The following SPATS2L variants were observed in gnomAD, a reference collection of about 807,000 sequenced individuals.
SPATS2L encodes the protein SPATS2-like protein.
In SPATS2L, 30 loss-of-function variants were observed where a neutral mutation model predicts 59.6. That is an observed-to-expected ratio of 0.50 (90% CI 0.38 to 0.68). The LOEUF (loss-of-function observed/expected upper bound fraction) is 0.68, where lower values mean the gene tolerates loss of function less well. Ranked by LOEUF, SPATS2L falls within the 30% of genes least tolerant of loss-of-function variation. SPATS2L has a pLI of 0.00. For synonymous variants in SPATS2L, 252 were observed against 263.5 expected, an observed-to-expected ratio of 0.96 and a Z score of 0.42; for missense variants, 615 against 700.0, an observed-to-expected ratio of 0.88 and a Z score of 1.37.
intron 6 of SPATS2L, among the ~76,000 whole-genome samples, chr2:200,426,415 A>G (rs2083586159): frequency 6.6e-6 from 1 of 152,224 alleles, no homozygotes; most frequent in African/African-American, 2.4e-5. Flanking sequence ...AAGTACTATC[A>G]TATGAGCATG....
At chr2:200,364,708 CTT>C (rs1225669695) in intron 2 of SPATS2L, among the ~76,000 whole-genome samples, 3 of 152,194 alleles carry the variant, frequency 2.0e-5, no homozygotes, top group African/African-American at 7.2e-5. Flanking sequence ...CCTGTATTTT[CTT>C]TCTCCTTTCT....
rs550111692 is a variant in SPATS2L, at chr2:200,311,263, C to T, written c.-73+4341C>T. Among the ~76,000 whole-genome samples the T allele has an allele frequency of 4.6e-5, 7 of 152,256 alleles. No individual in the cohort carries two copies. In the East Asian group the frequency reaches 5.8e-4, roughly 13 times the overall value. On this transcript the variant is annotated intron_variant, in intron 1 of 12. Coordinates refer to ENST00000409140, the MANE Select transcript of SPATS2L (RefSeq NM_001100423.2). Reference sequence around the variant, plus strand: ...AAAAGGGACAGGCATTTGAAGGAGGCGTCTGTCAAGATTTTTTTTTCCCAT... The same window carrying T: ...AAAAGGGACAGGCATTTGAAGGAGGTGTCTGTCAAGATTTTTTTTTCCCAT...
chr2:200,312,157 A>T (rs529190349), intron 1 of SPATS2L, among the ~76,000 whole-genome samples: 1 of 152,308 alleles, frequency 6.6e-6, no homozygotes, highest in East Asian at 1.9e-4. Flanking sequence ...TAAATCTTGG[A>T]AGCAGTATAA....
intron 6 of SPATS2L, among the ~76,000 whole-genome samples, chr2:200,425,127 CG>C (rs374223087): frequency 0.071 from 847 of 11,946 alleles, 10 homozygotes; most frequent in African/African-American, 0.079. Context: ...TAGTTCCCCC[CG>C]CCCCCCCCCC....
intron 3 of SPATS2L, among the ~76,000 whole-genome samples, chr2:200,396,011 G>GGAAAAA (rs1466614581): frequency 3.8e-4 from 4 of 10,598 alleles, no homozygotes; most frequent in Non-Finnish European, 5.2e-4. Flanking sequence ...ACTCGATCTG[G>GGAAAAA]AAAAAAAAAA....
chr2:200,464,483 A>G (rs2086450620), intron 9 of SPATS2L, among the ~76,000 whole-genome samples: 1 of 152,194 alleles, frequency 6.6e-6, no homozygotes, highest in East Asian at 1.9e-4. Context: ...ATGAATGCCC[A>G]AGTTCTGCTT....
intron 1 of SPATS2L, among the ~76,000 whole-genome samples, chr2:200,308,683 A>G (rs1454040806): frequency 6.6e-6 from 1 of 152,236 alleles, no homozygotes; most frequent in Non-Finnish European, 1.5e-5. Context: ...GATAATTTGC[A>G]TAAAAATACA....
chr2:200,321,245 C>T (rs1017449345), intron 1 of SPATS2L, among the ~76,000 whole-genome samples: 2 of 152,072 alleles, frequency 1.3e-5, no homozygotes, highest in Non-Finnish European at 2.9e-5. Flanking sequence ...ATGACATAGT[C>T]GGTAAAGAGC....
At chr2:200,429,905 G>A (rs1006853062) in intron 6 of SPATS2L, among the ~76,000 whole-genome samples, 7 of 152,050 alleles carry the variant, frequency 4.6e-5, no homozygotes, top group Non-Finnish European at 7.4e-5. Flanking sequence ...TCACTGCTTG[G>A]AGTACAATTT....
intron 2 of SPATS2L, among the ~76,000 whole-genome samples, chr2:200,351,966 G>A (rs561480833): frequency 1.0e-3 from 159 of 152,186 alleles, no homozygotes; most frequent in African/African-American, 3.8e-3. Context: ...TAAGAATGTT[G>A]CTATATCTCT....
intron 2 of SPATS2L, among the ~76,000 whole-genome samples, chr2:200,352,923 C>G (rs938190401): frequency 4.6e-5 from 7 of 152,290 alleles, no homozygotes; most frequent in South Asian, 2.1e-4. Flanking sequence ...ACACAGTGAA[C>G]TTTCTAGTGT....
chr2:200,450,240 GC>G (rs2085344984), intron 8 of SPATS2L, among the ~76,000 whole-genome samples: 1 of 152,048 alleles, frequency 6.6e-6, no homozygotes, highest in South Asian at 2.1e-4. Context: ...CACTAGCCTG[GC>G]CCATAAGAGA....
intron 2 of SPATS2L, among the ~76,000 whole-genome samples, chr2:200,336,833 T>G (rs2080159281): frequency 6.6e-6 from 1 of 152,230 alleles, no homozygotes; most frequent in Non-Finnish European, 1.5e-5. Flanking sequence ...CCCCTTTGGA[T>G]CATTCATTTT....
Position 200,428,624 on chromosome 2 carries a change from G to A in SPATS2L, c.445+9128G>A, listed in dbSNP as rs545467809. On this transcript the variant is annotated intron_variant, in intron 6 of 12. Transcript: ENST00000409140. ...AGTTCTGGCTACACTCTGAACTCCAGACTCTTCTTTGACTTTTTCACCTTG... is the reference window on the plus strand; with the variant it reads ...AGTTCTGGCTACACTCTGAACTCCAAACTCTTCTTTGACTTTTTCACCTTG... Among the ~76,000 whole-genome samples the A allele has an allele frequency of 6.6e-5, 10 of 152,280 alleles. No individual in the cohort carries two copies. In the South Asian group the frequency reaches 2.1e-3, roughly 32 times the overall value.
At chr2:200,342,969 T>A (rs1335923078) in intron 2 of SPATS2L, among the ~76,000 whole-genome samples, 1 of 152,242 alleles carries the variant, frequency 6.6e-6, no homozygotes, top group African/African-American at 2.4e-5. Context: ...AATAAAAAAA[T>A]TTCAAATAAA....
chr2:200,392,434 C>T (rs536939660), intron 3 of SPATS2L, among the ~76,000 whole-genome samples: 1 of 152,282 alleles, frequency 6.6e-6, no homozygotes, highest in South Asian at 2.1e-4. Context: ...TGTATCTCTT[C>T]TCTCTTGTGT....
chr2:200,469,811 A>G (rs763077056), intron 10 of SPATS2L, 103 bp from the exon 11 acceptor site: 21 of 819,358 alleles, frequency 2.6e-5, no homozygotes, highest in Non-Finnish European at 4.1e-5. Context: ...CCACCAGGTC[A>G]GCACTGCAGT....
At chr2:200,396,011 GAAAAAAAAAA>G (rs1218853084) in intron 3 of SPATS2L, among the ~76,000 whole-genome samples, 12 of 10,596 alleles carry the variant, frequency 1.1e-3, no homozygotes, top group Non-Finnish European at 1.4e-3. Context: ...ACTCGATCTG[GAAAAAAAAAA>G]AAAAAAAAAA....
chr2:200,452,791 A>C (rs576641088), intron 8 of SPATS2L, among the ~76,000 whole-genome samples: 1 of 152,268 alleles, frequency 6.6e-6, no homozygotes, highest in East Asian at 1.9e-4. Flanking sequence ...ACCCCAGTCT[A>C]CATGCTGTGG....
Sources: gnomAD v4.1 joint callset for allele counts (sites outside exome capture counted in the v4.1 genomes callset) on GRCh38, gnomAD v4.1.1 for gene constraint, MANE v1.5 for transcripts, NCBI Gene and HGNC (gene_info 2026-07-23, HGNC 2026-07-21) for gene names.